Variants in PRKCH observed in about 807,000 individuals in gnomAD.
PRKCH encodes the protein protein kinase C eta.
In PRKCH, 28 loss-of-function variants were observed where a neutral mutation model predicts 82.5. That is an observed-to-expected ratio of 0.34 (90% CI 0.25 to 0.47). The LOEUF (loss-of-function observed/expected upper bound fraction) is 0.47, where lower values mean the gene tolerates loss of function less well. Among genes scored for constraint, PRKCH ranks in the 20% least tolerant of loss-of-function variants. PRKCH has a pLI of 1.00. For synonymous variants in PRKCH, 322 were observed against 327.4 expected, an observed-to-expected ratio of 0.98 and a Z score of 0.18; for missense variants, 705 against 881.8, an observed-to-expected ratio of 0.80 and a Z score of 2.54.
At chr14:61,506,844 T>C (rs1385392924) in intron 10 of PRKCH, among the ~76,000 whole-genome samples, 1 of 152,158 alleles carries the variant, frequency 6.6e-6, no homozygotes, top group Non-Finnish European at 1.5e-5. Flanking sequence ...CTGTTTTCTT[T>C]GAAGGTGAAT....
At chr14:61,355,499 A>C (rs973718311) in intron 1 of PRKCH, among the ~76,000 whole-genome samples, 1 of 152,098 alleles carries the variant, frequency 6.6e-6, no homozygotes, top group African/African-American at 2.4e-5. Context: ...CCACTTTCTT[A>C]TATTTTAGTG....
At chr14:61,471,101 A>G (rs1167264471) in intron 9 of PRKCH, among the ~76,000 whole-genome samples, 4 of 152,252 alleles carry the variant, frequency 2.6e-5, no homozygotes, top group African/African-American at 4.8e-5. Flanking sequence ...AATAGGGAAC[A>G]AATATGTCAT....
At chr14:61,266,194 G>A (rs2045099247) in intron 1 of PRKCH, among the ~76,000 whole-genome samples, 2 of 152,028 alleles carry the variant, frequency 1.3e-5, no homozygotes, top group Admixed American at 6.6e-5. Context: ...GAGGTGGGTG[G>A]ATCACTTGAG....
chr14:61,412,524 A>T (rs1006871158), intron 2 of PRKCH, among the ~76,000 whole-genome samples: 3 of 152,176 alleles, frequency 2.0e-5, no homozygotes, highest in Non-Finnish European at 2.9e-5. Context: ...CTGTGGGGTC[A>T]TCCCTGCAGT....
chr14:61,339,973 C>T (rs996607327), intron 1 of PRKCH, among the ~76,000 whole-genome samples: 4 of 152,168 alleles, frequency 2.6e-5, no homozygotes, highest in Middle Eastern at 3.4e-3. Flanking sequence ...GAGTGAGCCA[C>T]TGTGCCTGGC....
chr14:61,242,805 AT>A (rs2044850300), intron 1 of PRKCH, among the ~76,000 whole-genome samples: 1 of 152,152 alleles, frequency 6.6e-6, no homozygotes, highest in Admixed American at 6.5e-5. Context: ...TAATTTTATA[AT>A]TTTAATTCTT....
chr14:61,431,417 C>A (rs2140260256), intron 2 of PRKCH, among the ~76,000 whole-genome samples: 1 of 152,304 alleles, frequency 6.6e-6, no homozygotes, highest in South Asian at 2.1e-4. Flanking sequence ...TACTTTGCTT[C>A]CTTTCATTCC....
chr14:61,510,821 G>A (rs534012511), intron 10 of PRKCH, among the ~76,000 whole-genome samples: 1 of 152,224 alleles, frequency 6.6e-6, no homozygotes, highest in South Asian at 2.1e-4. Context: ...GTAGATTTGT[G>A]CAATGATTGA....
At chr14:61,545,489 C>CCTTA (rs2043244407) in intron 12 of PRKCH, among the ~76,000 whole-genome samples, 1 of 152,190 alleles carries the variant, frequency 6.6e-6, no homozygotes, top group African/African-American at 2.4e-5. Flanking sequence ...TAGTGTGCTG[C>CCTTA]CTTACATGTA....
Position 61,217,340 on chromosome 14 carries a change from A to T in PRKCH, c.-19+29672A>T, listed in dbSNP as rs142246354. On this transcript the variant is annotated intron_variant, in intron 1 of 3. Coordinates refer to the PRKCH transcript ENST00000555185. Reference sequence around the variant, plus strand: ...CCCGGGAGGTTGAGGCTGCAGTGAGAGGTTGAGGCTGCAGTGAGCCATGTT... The same window carrying T: ...CCCGGGAGGTTGAGGCTGCAGTGAGTGGTTGAGGCTGCAGTGAGCCATGTT... Among the ~76,000 whole-genome samples the T allele has an allele frequency of 6.9e-3, 1,049 of 152,214 alleles. 7 individuals are homozygous for T. The highest frequency in any genetic ancestry group is 0.023 in the African/African-American group (968 of 41,516).
chr14:61,434,496 C>G (rs569655797), intron 2 of PRKCH, among the ~76,000 whole-genome samples: 1 of 152,118 alleles, frequency 6.6e-6, no homozygotes, highest in East Asian at 1.9e-4. Flanking sequence ...CAGCTAAAAG[C>G]CTTTTTATGG....
At chr14:61,300,967 G>A (rs1427478611) in intron 1 of PRKCH, among the ~76,000 whole-genome samples, 2 of 152,242 alleles carry the variant, frequency 1.3e-5, no homozygotes, top group East Asian at 3.9e-4. Context: ...TGGTCCAACC[G>A]ATCTTTGGGC....
At chr14:61,208,571 T>C (rs559303901) in intron 1 of PRKCH, among the ~76,000 whole-genome samples, 2 of 152,324 alleles carry the variant, frequency 1.3e-5, no homozygotes, top group African/African-American at 4.8e-5. Flanking sequence ...GTTCTGAATA[T>C]AATTTTAAAG....
chr14:61,351,828 A>G (rs1293779406), intron 1 of PRKCH, among the ~76,000 whole-genome samples: 2 of 152,158 alleles, frequency 1.3e-5, no homozygotes, highest in East Asian at 1.9e-4. Flanking sequence ...GTAATTGGCA[A>G]TGGCTCCTTG....
chr14:61,407,092 C>G (rs1322428429), intron 2 of PRKCH, among the ~76,000 whole-genome samples: 1 of 152,006 alleles, frequency 6.6e-6, no homozygotes, highest in Non-Finnish European at 1.5e-5. Context: ...ACATGGTGGG[C>G]AGGAATAGGG....
intron 1 of PRKCH, among the ~76,000 whole-genome samples, chr14:61,342,454 G>C (rs140558711): frequency 1.3e-5 from 2 of 152,180 alleles, no homozygotes; most frequent in East Asian, 3.9e-4. Flanking sequence ...AATTAATTAT[G>C]GATTTTTATC....
intron 1 of PRKCH, among the ~76,000 whole-genome samples, chr14:61,230,176 A>G (rs2044730242): frequency 6.6e-6 from 1 of 152,022 alleles, no homozygotes; most frequent in African/African-American, 2.4e-5. Flanking sequence ...CTCAGCTTAA[A>G]CCTTAGAGGC....
intron 1 of PRKCH, chr14:61,390,641 C>G (rs1454769310): frequency 1.3e-5 from 2 of 152,848 alleles, no homozygotes; most frequent in African/African-American, 4.8e-5. Context: ...TGCACTCCAG[C>G]CTGGGCAACA....
chr14:61,440,260 A>G (rs948343764), intron 2 of PRKCH, among the ~76,000 whole-genome samples: 8 of 152,130 alleles, frequency 5.3e-5, no homozygotes, highest in Admixed American at 2.6e-4. Flanking sequence ...TAGTGTAGTA[A>G]CTTTTGTTCT....
Sources: gnomAD v4.1 joint callset for allele counts (sites outside exome capture counted in the v4.1 genomes callset) on GRCh38, gnomAD v4.1.1 for gene constraint, MANE v1.5 for transcripts, NCBI Gene and HGNC (gene_info 2026-07-23, HGNC 2026-07-21) for gene names.